The following SLIT3 variants were observed in gnomAD, a reference collection of about 807,000 sequenced individuals.
SLIT3 encodes the protein slit guidance ligand 3.
SLIT3 carries 68 observed loss-of-function variants against 184.0 expected under a neutral mutation model. The ratio of observed to expected loss-of-function variants is 0.37; its 90% CI spans 0.30 to 0.45. The LOEUF is 0.45. Among genes scored for constraint, SLIT3 ranks in the 20% least tolerant of loss-of-function variants. SLIT3 has a pLI of 1.00. For synonymous variants in SLIT3, 831 were observed against 828.6 expected, an observed-to-expected ratio of 1.00 and a Z score of -0.05; for missense variants, 1,707 against 2,026.0, an observed-to-expected ratio of 0.84 and a Z score of 3.02.
At chr5:168,790,503 T>C (rs1471655363) in intron 10 of SLIT3, 1 of 152,250 alleles carries the variant, frequency 6.6e-6, no homozygotes, top group Admixed American at 6.5e-5. Flanking sequence ...ACACCAGCTC[T>C]TGCTAATGGC....
chr5:168,952,528 C>CAAAAAAAAAAAAAA (rs372134778), intron 4 of SLIT3, among the ~76,000 whole-genome samples: 5 of 77,926 alleles, frequency 6.4e-5, no homozygotes, highest in African/African-American at 2.9e-4. Flanking sequence ...GGGAAAATGC[C>CAAAAAAAAAAAAAA]AAAAAAAAAA....
intron 4 of SLIT3, among the ~76,000 whole-genome samples, chr5:169,013,586 G>T (rs1756244993): frequency 6.6e-6 from 1 of 152,124 alleles, no homozygotes; most frequent in African/African-American, 2.4e-5. Context: ...CCCAAGATTG[G>T]GTTACTCCAC....
At chr5:169,078,549 CT>C (rs1415240510) in intron 4 of SLIT3, among the ~76,000 whole-genome samples, 1 of 152,208 alleles carries the variant, frequency 6.6e-6, no homozygotes, top group Non-Finnish European at 1.5e-5. Flanking sequence ...ACTTCACCAA[CT>C]TCACTCATTT....
At chr5:168,726,368 CAGGG>C (rs1170732141) in intron 20 of SLIT3, among the ~76,000 whole-genome samples, 1 of 40,264 alleles carries the variant, frequency 2.5e-5, no homozygotes, top group East Asian at 6.5e-4. Context: ...GAGAGGGAGG[CAGGG>C]AGGGAGAGGG....
At chr5:168,949,424 T>A (rs1475179250) in intron 4 of SLIT3, among the ~76,000 whole-genome samples, 2 of 152,112 alleles carry the variant, frequency 1.3e-5, no homozygotes, top group Non-Finnish European at 2.9e-5. Context: ...TGGGAACGTA[T>A]CACAGAGATG....
At chr5:168,814,376 A>T (rs545592478) in intron 8 of SLIT3, among the ~76,000 whole-genome samples, 1 of 150,718 alleles carries the variant, frequency 6.6e-6, no homozygotes, top group South Asian at 2.1e-4. Flanking sequence ...AGCCTGGGTA[A>T]CAAGAATGAA....
chr5:169,066,533 A>G (rs113023565), intron 4 of SLIT3, among the ~76,000 whole-genome samples: 1,700 of 152,348 alleles, frequency 0.011, 13 homozygotes, highest in East Asian at 0.039. Flanking sequence ...GATAACAATG[A>G]TAATTCCCAG....
intron 4 of SLIT3, among the ~76,000 whole-genome samples, chr5:169,081,574 C>T (rs1440435416): frequency 6.6e-6 from 1 of 152,058 alleles, no homozygotes; most frequent in Non-Finnish European, 1.5e-5. Context: ...TCCCTCAGGG[C>T]CCCCGAGGAG....
chr5:168,667,711 A>AGCAACTCCCAGGCT (rs1185461100), intron 35 of SLIT3: 2 of 152,252 alleles, frequency 1.3e-5, no homozygotes, highest in African/African-American at 4.8e-5. Flanking sequence ...CTGTCCTTCC[A>AGCAACTCCCAGGCT]GCAACTCCCA....
At chr5:169,091,267 T>C (rs1458553626) in intron 4 of SLIT3, among the ~76,000 whole-genome samples, 1 of 152,242 alleles carries the variant, frequency 6.6e-6, no homozygotes, top group African/African-American at 2.4e-5. Flanking sequence ...TCCTACCCTA[T>C]AAGCCAGCCC....
chr5:168,870,542 C>G (rs1274365944), intron 5 of SLIT3, among the ~76,000 whole-genome samples: 1 of 152,176 alleles, frequency 6.6e-6, no homozygotes, highest in Non-Finnish European at 1.5e-5. Context: ...TATCCTGATT[C>G]TCTTTTATGC....
intron 4 of SLIT3, among the ~76,000 whole-genome samples, chr5:169,049,685 C>T (rs971366007): frequency 6.6e-6 from 1 of 152,156 alleles, no homozygotes. Flanking sequence ...GTCTGAAGAT[C>T]TATTGTAGCG....
intron 5 of SLIT3, among the ~76,000 whole-genome samples, chr5:168,848,791 A>C (rs1758573166): frequency 6.6e-6 from 1 of 152,214 alleles, no homozygotes; most frequent in Non-Finnish European, 1.5e-5. Flanking sequence ...TAATCTCCGC[A>C]AACGGCAGAC....
intron 5 of SLIT3, among the ~76,000 whole-genome samples, chr5:168,852,287 C>T (rs891057291): frequency 6.6e-6 from 1 of 152,170 alleles, no homozygotes; most frequent in Non-Finnish European, 1.5e-5. Flanking sequence ...TGTTTTTTTA[C>T]TCTGTTTTTC....
At chr5:168,897,201 G>A (rs919625438) in intron 4 of SLIT3, among the ~76,000 whole-genome samples, 1 of 152,188 alleles carries the variant, frequency 6.6e-6, no homozygotes, top group African/African-American at 2.4e-5. Flanking sequence ...GTCCCTGGGA[G>A]CGGACAAGTG....
rs372485234 is a variant in SLIT3, at chr5:169,006,605, TCA to T, written c.414-123271_414-123270del. 0.014 allele frequency among the ~76,000 whole-genome samples: 2,028 copies of T among 145,650 alleles called. 91 individuals are homozygous for T. In the East Asian group the frequency reaches 0.18, roughly 13 times the overall value. The stretch of plus-strand genomic sequence containing the variant: ...CTCTCTCTCTCTCTCTCTCTCTCTC[TCA>T]CACACACACACACACACACACACAA... On this transcript the variant is annotated intron_variant, in intron 4 of 35. Coordinates refer to ENST00000519560, the MANE Select transcript of SLIT3 (RefSeq NM_003062.4).
At chr5:168,697,619 A>G (rs1762101273) in intron 27 of SLIT3, among the ~76,000 whole-genome samples, 1 of 152,222 alleles carries the variant, frequency 6.6e-6, no homozygotes, top group Non-Finnish European at 1.5e-5. Flanking sequence ...AACTACACTC[A>G]GCTAACAGGC....
intron 12 of SLIT3, among the ~76,000 whole-genome samples, chr5:168,777,017 G>A (rs1490270387): frequency 6.6e-6 from 1 of 151,706 alleles, no homozygotes; most frequent in Non-Finnish European, 1.5e-5. Flanking sequence ...CCACATATAT[G>A]TGTTTTTTCA....
chr5:168,871,842 A>C (rs1759533430), intron 5 of SLIT3, among the ~76,000 whole-genome samples: 1 of 152,188 alleles, frequency 6.6e-6, no homozygotes, highest in East Asian at 1.9e-4. Context: ...GGAGGCATGC[A>C]ATTTGCTTAA....
Sources: gnomAD v4.1 joint callset for allele counts (sites outside exome capture counted in the v4.1 genomes callset) on GRCh38, gnomAD v4.1.1 for gene constraint, MANE v1.5 for transcripts, NCBI Gene and HGNC (gene_info 2026-07-23, HGNC 2026-07-21) for gene names.